Variants in MAPK10 observed in about 807,000 individuals in gnomAD.
MAPK10 encodes JNK3 alpha protein kinase.
Under a neutral mutation model 59.3 loss-of-function variants are expected in MAPK10, and 25 were observed. That is an observed-to-expected ratio of 0.42 (90% CI 0.31 to 0.59). The LOEUF (loss-of-function observed/expected upper bound fraction) is 0.59. Among genes scored for constraint, MAPK10 ranks in the 20% least tolerant of loss-of-function variants. The pLI, the probability that MAPK10 is intolerant of heterozygous loss-of-function variation, is 0.15. For missense variants in MAPK10, 351 were observed against 568.9 expected, an observed-to-expected ratio of 0.62 and a Z score of 3.90; for synonymous variants, 190 against 200.5, an observed-to-expected ratio of 0.95 and a Z score of 0.44.
intron 2 of MAPK10, among the ~76,000 whole-genome samples, chr4:86,283,348 A>G (rs2094887608): frequency 6.6e-6 from 1 of 152,216 alleles, no homozygotes; most frequent in African/African-American, 2.4e-5. Context: ...AAAGCTGATC[A>G]ATATAATCTA....
At chr4:86,272,447 G>T (rs1162861433) in intron 2 of MAPK10, among the ~76,000 whole-genome samples, 1 of 151,538 alleles carries the variant, frequency 6.6e-6, no homozygotes, top group Non-Finnish European at 1.5e-5. Flanking sequence ...TATGATTTTA[G>T]ATTATATGTT....
intron 2 of MAPK10, among the ~76,000 whole-genome samples, chr4:86,298,690 T>C (rs183813349): frequency 6.6e-5 from 10 of 152,356 alleles, no homozygotes; most frequent in Non-Finnish European, 1.3e-4. Flanking sequence ...TGATCAGAAT[T>C]AATTCAGACA....
intron 1 of MAPK10, among the ~76,000 whole-genome samples, chr4:86,493,193 CA>C (rs1646120522): frequency 6.6e-6 from 1 of 152,128 alleles, no homozygotes; most frequent in Non-Finnish European, 1.5e-5. Flanking sequence ...TTGTTCTCAC[CA>C]GAAGGCACCC....
intron 4 of MAPK10, among the ~76,000 whole-genome samples, chr4:86,109,258 T>C (rs747207962): frequency 1.3e-5 from 2 of 152,236 alleles, no homozygotes; most frequent in African/African-American, 2.4e-5. Context: ...CCTGGGTACA[T>C]GTGCAGAATG....
At chr4:86,089,206 G>A (rs267600285) in intron 9 of MAPK10, 56 of 1,609,438 alleles carry the variant, frequency 3.5e-5, no homozygotes, top group South Asian at 2.8e-4. Flanking sequence ...AGAAGGATAC[G>A]ATCAGTGCCA....
At chr4:86,469,540 A>G (rs1279126232) in intron 1 of MAPK10, among the ~76,000 whole-genome samples, 3 of 152,222 alleles carry the variant, frequency 2.0e-5, no homozygotes, top group African/African-American at 7.2e-5. Context: ...GAACCAGGCA[A>G]TCACTCACTG....
In MAPK10 at chr4:86,535,803, C is replaced by T. The variant is rs967082763; in HGVS notation, c.-263+58107G>A. Among the ~76,000 whole-genome samples the T allele has an allele frequency of 2.6e-5, 4 of 152,300 alleles. 1 individual carries two copies. Among genetic ancestry groups the T allele is most frequent in the African/African-American group, 4.8e-5 (2 of 41,562 alleles). On this transcript the variant is annotated intron_variant, in intron 1 of 4. Transcript: ENST00000502302. ...AGCTGAGCCAAAAGAATGTGATCTA[C>T]CAAATTCCCAGGGCTGAAATTTCAA... is the stretch of plus-strand genomic sequence containing the variant.
chr4:86,246,688 C>G (rs1019149946), intron 2 of MAPK10, among the ~76,000 whole-genome samples: 5 of 152,136 alleles, frequency 3.3e-5, no homozygotes, highest in Non-Finnish European at 5.9e-5. Flanking sequence ...GTTACCACCT[C>G]CACTACAGAT....
intron 1 of MAPK10, among the ~76,000 whole-genome samples, chr4:86,413,696 C>T (rs763520356): frequency 1.3e-5 from 2 of 152,220 alleles, no homozygotes; most frequent in Non-Finnish European, 2.9e-5. Flanking sequence ...AGTGAGCAAG[C>T]CTCCATGTGC....
At chr4:86,413,895 T>C (rs891493834) in intron 1 of MAPK10, among the ~76,000 whole-genome samples, 2 of 152,180 alleles carry the variant, frequency 1.3e-5, no homozygotes, top group Non-Finnish European at 2.9e-5. Flanking sequence ...TGCCCTGCCC[T>C]GCTTCAGCTT....
Position 86,372,564 on chromosome 4 carries a change from G to GAAAGAAAGAAAGAAAGAAAGGA in MAPK10, c.-121-17921_-121-17920insTCCTTTCTTTCTTTCTTTCTTT. Among the ~76,000 whole-genome samples, 164 of 78,688 alleles carry GAAAGAAAGAAAGAAAGAAAGGA rather than the reference G, an allele frequency of 2.1e-3. 2 individuals are homozygous for GAAAGAAAGAAAGAAAGAAAGGA. Among genetic ancestry groups the GAAAGAAAGAAAGAAAGAAAGGA allele is most frequent in the Middle Eastern group, 0.012 (2 of 170 alleles). The allele number at this position is 78,688 out of a possible 152,430, so 51.6% of individuals were successfully genotyped here. ...AGAAAGAAAGAAAGAAAGAAAGAAA[G>GAAAGAAAGAAAGAAAGAAAGGA]AAAGAAAAGAAAAGAAAAGAAAAGA... On this transcript the variant is annotated intron_variant, in intron 1 of 13. Coordinates refer to the MAPK10 transcript ENST00000361569.
At chr4:86,256,831 C>T (rs2093749893) in intron 2 of MAPK10, among the ~76,000 whole-genome samples, 1 of 148,844 alleles carries the variant, frequency 6.7e-6, no homozygotes, top group African/African-American at 2.5e-5. Flanking sequence ...AGCTCCGCCT[C>T]CCGGGTTCAC....
intron 2 of MAPK10, among the ~76,000 whole-genome samples, chr4:86,201,449 TA>T (rs1363848203): frequency 6.6e-6 from 1 of 151,902 alleles, no homozygotes; most frequent in Non-Finnish European, 1.5e-5. Flanking sequence ...GAGAAATTTT[TA>T]TATGTTATTG....
intron 3 of MAPK10, among the ~76,000 whole-genome samples, chr4:86,181,939 A>G (rs184661917): frequency 1.6e-4 from 25 of 152,232 alleles, no homozygotes; most frequent in African/African-American, 6.0e-4. Flanking sequence ...CACTTTCATG[A>G]GTTTTTTAAA....
intron 1 of MAPK10, among the ~76,000 whole-genome samples, chr4:86,526,122 G>A (rs1757457215): frequency 2.0e-5 from 3 of 152,052 alleles, no homozygotes. Flanking sequence ...CAATGTTTTT[G>A]GAATAGTTTC....
intron 2 of MAPK10, among the ~76,000 whole-genome samples, chr4:86,331,959 T>C (rs1160505211): frequency 6.6e-6 from 1 of 152,224 alleles, no homozygotes; most frequent in Non-Finnish European, 1.5e-5. Flanking sequence ...CTACATTTCA[T>C]TTAATCATTA....
chr4:86,381,438 G>A (rs1042040303), intron 1 of MAPK10, among the ~76,000 whole-genome samples: 8 of 152,034 alleles, frequency 5.3e-5, no homozygotes, highest in East Asian at 3.9e-4. Flanking sequence ...TGCAGGTCCC[G>A]GGCCTATTTA....
Position 86,017,111 on chromosome 4 carries a change from C to T in MAPK10, c.*117G>A. The T allele has an allele frequency of 1.7e-6, 2 of 1,153,774 alleles. No individual in the cohort carries two copies. The highest frequency in any genetic ancestry group is 1.2e-6 in the Non-Finnish European group (1 of 810,044). The allele number at this position is 1,153,774 out of a possible 1,614,324, so 71.5% of individuals were successfully genotyped here. On this transcript the variant is annotated 3_prime_UTR_variant, in exon 14 of 14. Coordinates refer to ENST00000641462, the MANE Select transcript of MAPK10 (RefSeq NM_138982.4). This position sits in a 1 kb window ranked among gnomAD's most constrained non-coding sequence, Gnocchi z 4.4. Reference sequence around the variant, plus strand: ...TTAATTTTAGGCTTGGATTCTCTCCCTTGCTGTTTTCTTGATGTTGTGTGT... The same window carrying T: ...TTAATTTTAGGCTTGGATTCTCTCCTTTGCTGTTTTCTTGATGTTGTGTGT...
rs556871681 is a variant in MAPK10, at chr4:86,229,449, C to T, written c.-6-35042G>A. Among the ~76,000 whole-genome samples, 6 of 152,176 alleles carry T rather than the reference C, an allele frequency of 3.9e-5. No homozygotes were observed. The South Asian group carries it at 1.2e-3, about 32-fold the overall frequency. The stretch of plus-strand genomic sequence containing the variant: ...TCCTATTATATTAGTAAATGTTTAT[C>T]AAGTTTCAGTCACATGGAAATAACT... On this transcript the variant is annotated intron_variant, in intron 2 of 13. Transcript: ENST00000641462.
Sources: gnomAD v4.1 joint callset for allele counts (sites outside exome capture counted in the v4.1 genomes callset) on GRCh38, gnomAD v4.1.1 for gene constraint, Gnocchi (gnomAD v3.1) non-coding constraint, MANE v1.5 for transcripts, NCBI Gene and HGNC (gene_info 2026-07-23, HGNC 2026-07-21) for gene names.